Variants in RBMS1 observed in about 807,000 individuals in gnomAD.
RBMS1 encodes RNA-binding motif, single-stranded-interacting protein 1.
RBMS1 carries 17 observed loss-of-function variants against 62.3 expected under a neutral mutation model. The ratio of observed to expected loss-of-function variants is 0.27; its 90% CI spans 0.19 to 0.41. RBMS1 has a LOEUF of 0.41. Ranked by LOEUF, RBMS1 falls within the 10% of genes least tolerant of loss-of-function variation. The pLI is 1.00. For missense variants in RBMS1, 334 were observed against 504.5 expected (o/e 0.66, Z 3.24); for synonymous variants, 172 against 170.0 (o/e 1.01, Z -0.09).
At chr2:160,377,652 AG>A (rs1172373585) in intron 1 of RBMS1, among the ~76,000 whole-genome samples, 1 of 152,232 alleles carries the variant, frequency 6.6e-6, no homozygotes. Context: ...GAGGGGTATG[AG>A]GGATCATAAG....
In RBMS1 at chr2:160,277,393, A is replaced by G; in HGVS notation, c.1063-10T>C. 1 of 1,604,836 alleles carries G rather than the reference A, an allele frequency of 6.2e-7. No homozygotes were observed. The highest frequency in any genetic ancestry group is 2.2e-5 in the East Asian group (1 of 44,802). ...ACGTTGCAGGCATGTACTAGAAAGA[A>G]GAATGAGGTCAGAATGGGCAATGGT... On this transcript the variant is annotated splice_polypyrimidine_tract_variant and intron_variant, in intron 11 of 13. Coordinates refer to ENST00000348849, the MANE Select transcript of RBMS1 (RefSeq NM_016836.4).
intron 2 of RBMS1, among the ~76,000 whole-genome samples, chr2:160,324,882 G>GTATGTATA (rs1690808529): frequency 2.0e-5 from 2 of 100,016 alleles, no homozygotes; most frequent in African/African-American, 4.2e-5. Flanking sequence ...GTGTGTGTGT[G>GTATGTATA]TATATATATA....
chr2:160,352,346 G>C (rs961444037), intron 2 of RBMS1, among the ~76,000 whole-genome samples: 1 of 152,060 alleles, frequency 6.6e-6, no homozygotes, highest in Non-Finnish European at 1.5e-5. Flanking sequence ...TAATATTGCT[G>C]CATCCAGGGA....
At chr2:160,435,166 C>G (rs533681532) in intron 1 of RBMS1, among the ~76,000 whole-genome samples, 1 of 152,264 alleles carries the variant, frequency 6.6e-6, no homozygotes, top group African/African-American at 2.4e-5. Context: ...TATCACTACA[C>G]CTTAACTAAA....
At chr2:160,413,833 A>G (rs1202300135) in intron 1 of RBMS1, among the ~76,000 whole-genome samples, 1 of 152,246 alleles carries the variant, frequency 6.6e-6, no homozygotes, top group African/African-American at 2.4e-5. Flanking sequence ...TTTACCAAAG[A>G]GAAAACTGAG....
chr2:160,324,675 C>T (rs188683832), intron 2 of RBMS1, among the ~76,000 whole-genome samples: 36 of 151,754 alleles, frequency 2.4e-4, no homozygotes, highest in Admixed American at 3.9e-4. Context: ...CCGTAAAAGA[C>T]GCTGTGCCTA....
intron 1 of RBMS1, among the ~76,000 whole-genome samples, chr2:160,396,550 CTTTTTTTTTTTTTTTTTTT>C (rs59600753): frequency 3.9e-5 from 3 of 77,850 alleles, no homozygotes; most frequent in African/African-American, 5.0e-5. Context: ...TTCTTTTTAT[CTTTTTTTTTTTTTTTTTTT>C]TTTTTTTTTT....
chr2:160,281,373 G>T lies in RBMS1; in HGVS notation c.901-9C>A, dbSNP rs756058655. ...CACGAAGGACTTTGCACCTAGAAAA[G>T]GGAGGATTTTGAAAGAAATATTGAT... On this transcript the variant is annotated splice_polypyrimidine_tract_variant and intron_variant, in intron 9 of 13. Coordinates refer to ENST00000348849, the MANE Select transcript of RBMS1 (RefSeq NM_016836.4). 1 of 1,602,256 alleles carries T rather than the reference G, an allele frequency of 6.2e-7. No homozygotes were observed. Among genetic ancestry groups the T allele is most frequent in the Non-Finnish European group, 8.5e-7 (1 of 1,171,150 alleles).
chr2:160,482,750 C>T (rs1271051605), intron 1 of RBMS1, among the ~76,000 whole-genome samples: 1 of 152,118 alleles, frequency 6.6e-6, no homozygotes, highest in African/African-American at 2.4e-5. Context: ...ACAAAAATGA[C>T]CCATTTGCAG....
chr2:160,397,999 A>T (rs1277236914), intron 1 of RBMS1, among the ~76,000 whole-genome samples: 5 of 152,086 alleles, frequency 3.3e-5, no homozygotes, highest in African/African-American at 9.7e-5. Context: ...CTCTCCTCGG[A>T]GTGCTTTAAT....
intron 1 of RBMS1, among the ~76,000 whole-genome samples, chr2:160,434,870 G>A (rs1410592941): frequency 6.6e-6 from 1 of 152,116 alleles, no homozygotes; most frequent in South Asian, 2.1e-4. Flanking sequence ...CCATGAAAAA[G>A]AGCTTGGACT....
At chr2:160,320,452 GAC>G (rs960860154) in intron 2 of RBMS1, among the ~76,000 whole-genome samples, 2 of 152,226 alleles carry the variant, frequency 1.3e-5, no homozygotes, top group African/African-American at 4.8e-5. Flanking sequence ...CAGTCTGGGT[GAC>G]AGAGTGAGAC....
At position 160,425,522 on chromosome 2, in the gene RBMS1, T is replaced by C. The variant is rs139736971; in HGVS notation, c.76-58131A>G. Among the ~76,000 whole-genome samples, 539 of 152,218 alleles carry C rather than the reference T, an allele frequency of 3.5e-3. 2 individuals carry two copies. The highest frequency in any genetic ancestry group is 0.012 in the African/African-American group (493 of 41,536). ...CTTATATAAGGTAGCTGAGGGGCCA[T>C]GAGCAAGCAATGCTGGAAGGAAGGA... On this transcript the variant is annotated intron_variant, in intron 1 of 13. Transcript: ENST00000348849.
intron 1 of RBMS1, among the ~76,000 whole-genome samples, chr2:160,403,110 G>T (rs541270619): frequency 8.5e-5 from 13 of 152,272 alleles, no homozygotes; most frequent in Admixed American, 5.2e-4. Context: ...GGACAATCAC[G>T]ATGAATTGTA....
intron 6 of RBMS1, among the ~76,000 whole-genome samples, chr2:160,300,285 G>C (rs1287722084): frequency 6.6e-6 from 1 of 152,178 alleles, no homozygotes; most frequent in Non-Finnish European, 1.5e-5. Context: ...AAAGGCCATA[G>C]GAACTGAGGT....
chr2:160,405,229 GGTGACT>G (rs1403785165), intron 1 of RBMS1, among the ~76,000 whole-genome samples: 1 of 150,584 alleles, frequency 6.6e-6, no homozygotes, highest in Non-Finnish European at 1.5e-5. Flanking sequence ...TTTTTCCAAA[GGTGACT>G]GTAAAGTATT....
intron 1 of RBMS1, among the ~76,000 whole-genome samples, chr2:160,442,199 T>C (rs1279099949): frequency 6.6e-6 from 1 of 152,240 alleles, no homozygotes; most frequent in Non-Finnish European, 1.5e-5. Context: ...GTGCTTTTTA[T>C]GTCATGTGCA....
intron 1 of RBMS1, among the ~76,000 whole-genome samples, chr2:160,376,235 A>G (rs142494522): frequency 0.012 from 1,793 of 152,154 alleles, 23 homozygotes; most frequent in Admixed American, 0.04. Flanking sequence ...GTAAGCTTAT[A>G]AAAAAAATAC....
At chr2:160,488,099 T>C (rs1685671073) in intron 1 of RBMS1, among the ~76,000 whole-genome samples, 1 of 152,210 alleles carries the variant, frequency 6.6e-6, no homozygotes, top group African/African-American at 2.4e-5. Flanking sequence ...TTGTTTCTAT[T>C]ATCAAATTTG....
Sources: allele counts gnomAD v4.1 joint callset (sites outside exome capture counted in the v4.1 genomes callset), GRCh38; gene constraint gnomAD v4.1.1; transcripts MANE v1.5; gene names NCBI Gene and HGNC (gene_info 2026-07-23, HGNC 2026-07-21).